Variants in C2orf76 observed in about 807,000 individuals in gnomAD.
The protein encoded by C2orf76 is UPF0538 protein C2orf76.
In C2orf76, 23 loss-of-function variants were observed where a neutral mutation model predicts 16.9. The ratio of observed to expected loss-of-function variants is 1.36; its 90% CI spans 0.98 to 1.93. The LOEUF is 1.93. Ranked by LOEUF, C2orf76 falls within the 30% of genes most tolerant of loss-of-function variation. The pLI is 0.00. For missense variants in C2orf76, 152 were observed against 152.6 expected (o/e 1.00, Z 0.02); for synonymous variants, 48 against 52.3 (o/e 0.92, Z 0.35).
intron 1 of C2orf76, among the ~76,000 whole-genome samples, chr2:119,347,662 A>G (rs2104621945): frequency 6.6e-6 from 1 of 152,256 alleles, no homozygotes; most frequent in South Asian, 2.1e-4. Flanking sequence ...ACTTAAGCGC[A>G]GGAGTTCAAG....
chr2:119,292,230 T>C, the C2orf76 span, among the ~76,000 whole-genome samples: 1 of 152,194 alleles, frequency 6.6e-6, no homozygotes, highest in Non-Finnish European at 1.5e-5. Context: ...TGCCTTAATT[T>C]GTACAGTTGT....
At chr2:119,337,974 G>C (rs528151029) in intron 2 of C2orf76, among the ~76,000 whole-genome samples, 4 of 152,310 alleles carry the variant, frequency 2.6e-5, no homozygotes, top group African/African-American at 9.6e-5. Context: ...ACTGTACAAA[G>C]AACATCATAG....
At chr2:119,314,384 G>C (rs1679098638) in intron 4 of C2orf76, among the ~76,000 whole-genome samples, 1 of 151,764 alleles carries the variant, frequency 6.6e-6, no homozygotes, top group South Asian at 2.1e-4. Context: ...ATTTATTTTG[G>C]CATAAAGAAA....
chr2:119,309,565 G>A (rs1407419238), intron 5 of C2orf76, among the ~76,000 whole-genome samples: 2 of 151,516 alleles, frequency 1.3e-5, no homozygotes, highest in African/African-American at 2.4e-5. Context: ...GATTACAGGC[G>A]TGTGCCACCA....
chr2:119,351,524 G>C (rs1239451930), intron 1 of C2orf76, among the ~76,000 whole-genome samples: 5 of 152,154 alleles, frequency 3.3e-5, no homozygotes, highest in Non-Finnish European at 7.3e-5. Flanking sequence ...GCCCAGGCGG[G>C]AGGATCACTT....
upstream of C2orf76, chr2:119,367,098 G>T: frequency 6.2e-7 from 1 of 1,612,872 alleles, no homozygotes; most frequent in Non-Finnish European, 8.5e-7. Context: ...AAGGTGCAGC[G>T]GGCGGGAGGC....
chr2:119,290,673 T>C, the C2orf76 span, among the ~76,000 whole-genome samples: 1 of 151,756 alleles, frequency 6.6e-6, no homozygotes, highest in Admixed American at 6.6e-5. Context: ...CTACTAAAAA[T>C]ACAAAAATTA....
At position 119,321,202 on chromosome 2, in the gene C2orf76, T is replaced by C. The variant is rs1132267; in HGVS notation, c.136A>G (p.Ile46Val). 0.65 allele frequency: 894,751 copies of C among 1,377,706 alleles called. 294,274 individuals carry two copies. Among genetic ancestry groups the C allele is most frequent in the African/African-American group, 0.8 (51,847 of 64,750 alleles). The allele number at this position is 1,377,706 out of a possible 1,614,324, so 85.3% of individuals were successfully genotyped here. Residue 46 changes from isoleucine (I) to valine (V), a missense_variant and splice_region_variant, in exon 3 of 6, where the codon ATC (isoleucine) becomes GTC (valine). Physicochemically the swap from Ile to Val is conservative, Grantham distance 29. Coordinates refer to ENST00000334816, the MANE Select transcript of C2orf76 (RefSeq NM_001322331.2). ...GGTGGCAGGTTGGTCCTTAAAGGGATATCTACAAGAGAAAGATTATTTTTT... is the reference window on the plus strand; with the variant it reads ...GGTGGCAGGTTGGTCCTTAAAGGGACATCTACAAGAGAAAGATTATTTTTT... The part of the protein sequence containing the change: ...KEFIVFLKQD[I>V]PLRTNLPPPF...
intron 1 of C2orf76, among the ~76,000 whole-genome samples, chr2:119,344,377 T>C (rs948658018): frequency 6.6e-6 from 1 of 152,204 alleles, no homozygotes; most frequent in African/African-American, 2.4e-5. Flanking sequence ...TTTAAAAGTA[T>C]TCCTCAAATG....
chr2:119,306,030 G>A (rs567739298), intron 5 of C2orf76, among the ~76,000 whole-genome samples: 6 of 151,850 alleles, frequency 4.0e-5, no homozygotes, highest in South Asian at 2.1e-4. Context: ...AAGGTAAAAC[G>A]GGAAACACTC....
chr2:119,291,778 C>T, the C2orf76 span, among the ~76,000 whole-genome samples: 318 of 152,096 alleles, frequency 2.1e-3, 1 homozygote, highest in Non-Finnish European at 2.7e-3. Flanking sequence ...TCTCTCTGCG[C>T]GATGGGATTA....
intron 1 of C2orf76, among the ~76,000 whole-genome samples, chr2:119,351,933 C>A (rs1197407718): frequency 6.6e-6 from 1 of 152,140 alleles, no homozygotes; most frequent in Non-Finnish European, 1.5e-5. Flanking sequence ...AATACAGAAT[C>A]TGAAAATAAT....
chr2:119,360,583 A>G (rs185398859), intron 1 of C2orf76, among the ~76,000 whole-genome samples: 3 of 152,078 alleles, frequency 2.0e-5, no homozygotes, highest in Admixed American at 6.5e-5. Context: ...TTGTATATGC[A>G]CTGGAAAACC....
the C2orf76 span, among the ~76,000 whole-genome samples, chr2:119,283,006 G>C: frequency 6.6e-6 from 1 of 152,156 alleles, no homozygotes; most frequent in African/African-American, 2.4e-5. Flanking sequence ...TTTGAGGATG[G>C]GCACAGGGGA....
chr2:119,296,193 G>A, the C2orf76 span, among the ~76,000 whole-genome samples: 5 of 152,292 alleles, frequency 3.3e-5, no homozygotes, highest in East Asian at 7.7e-4. Flanking sequence ...GTGGCTTCAC[G>A]TGAGAGATGG....
At chr2:119,310,607 G>A (rs1431478283) in intron 5 of C2orf76, among the ~76,000 whole-genome samples, 8 of 152,150 alleles carry the variant, frequency 5.3e-5, no homozygotes, top group African/African-American at 1.7e-4. Flanking sequence ...CTTAACAAGT[G>A]CATATAAATA....
intron 1 of C2orf76, among the ~76,000 whole-genome samples, chr2:119,359,741 C>T (rs1243866280): frequency 2.0e-5 from 3 of 152,228 alleles, no homozygotes; most frequent in Admixed American, 6.5e-5. Context: ...TTAGGAGTTA[C>T]TTCTTATGAA....
At chr2:119,358,690 T>C (rs1680651002) in intron 1 of C2orf76, among the ~76,000 whole-genome samples, 1 of 150,826 alleles carries the variant, frequency 6.6e-6, no homozygotes, top group South Asian at 2.1e-4. Context: ...CAAAGCCTAA[T>C]CCAGAGGAAG....
chr2:119,347,357 C>T (rs1208153837), intron 1 of C2orf76, among the ~76,000 whole-genome samples: 1 of 152,108 alleles, frequency 6.6e-6, no homozygotes, highest in East Asian at 1.9e-4. Flanking sequence ...CTTAAAAGAG[C>T]TAATCTCAAC....
Sources: allele counts gnomAD v4.1 joint callset (sites outside exome capture counted in the v4.1 genomes callset), GRCh38; gene constraint gnomAD v4.1.1; transcripts MANE v1.5; gene names NCBI Gene and HGNC (gene_info 2026-07-23, HGNC 2026-07-21).